Variants in LRP1B observed in about 807,000 individuals in gnomAD.
LRP1B encodes low-density lipoprotein receptor-related protein 1B.
A neutral mutation model predicts 556.6 loss-of-function variants in LRP1B; 217 were observed. The observed-to-expected ratio is 0.39, with a 90% CI of 0.35 to 0.44. The LOEUF is 0.44. LRP1B is among the 20% of genes least tolerant of loss of function. LRP1B has a pLI of 1.00. For synonymous variants in LRP1B, 2,047 were observed against 1,865.8 expected (o/e 1.10, Z -2.50); for missense variants, 5,053 against 5,620.8 (o/e 0.90, Z 3.23).
At chr2:141,298,397 G>A (rs549693653) in intron 3 of LRP1B, among the ~76,000 whole-genome samples, 1 of 152,232 alleles carries the variant, frequency 6.6e-6, no homozygotes, top group East Asian at 1.9e-4. Flanking sequence ...TGGTATCAGT[G>A]GACCTGGAGA....
chr2:140,511,162 T>A (rs1689634217), intron 51 of LRP1B, among the ~76,000 whole-genome samples: 1 of 152,070 alleles, frequency 6.6e-6, no homozygotes, highest in South Asian at 2.1e-4. Flanking sequence ...CAGTAGACAG[T>A]GTGTTTTAAT....
At chr2:140,571,782 T>C (rs1558975335) in intron 43 of LRP1B, among the ~76,000 whole-genome samples, 2 of 151,556 alleles carry the variant, frequency 1.3e-5, no homozygotes, top group Non-Finnish European at 3.0e-5. Flanking sequence ...CAAAACAGCA[T>C]GCTGCTGGCA....
At chr2:141,487,356 T>G (rs1174462149) in intron 2 of LRP1B, among the ~76,000 whole-genome samples, 1 of 152,186 alleles carries the variant, frequency 6.6e-6, no homozygotes. Flanking sequence ...AATTGGTGCT[T>G]GGCATACCAT....
chr2:141,586,941 C>CAAAAAAAAAAAA (rs769891211), intron 2 of LRP1B, among the ~76,000 whole-genome samples: 23 of 71,502 alleles, frequency 3.2e-4, no homozygotes, highest in Non-Finnish European at 5.1e-4. Flanking sequence ...GACTCCATCT[C>CAAAAAAAAAAAA]AAAAAAAAAA....
At chr2:141,647,978 A>G (rs1042676352) in intron 2 of LRP1B, among the ~76,000 whole-genome samples, 4 of 152,150 alleles carry the variant, frequency 2.6e-5, no homozygotes, top group African/African-American at 9.6e-5. Flanking sequence ...TAAACAAATG[A>G]TTAAAAAGTG....
rs567970334 is a variant in LRP1B, at chr2:141,762,605, T to C, written c.205+47674A>G. On this transcript the variant is annotated intron_variant, in intron 2 of 90. Transcript: ENST00000389484. Reference sequence around the variant, plus strand: ...AAAATGAGAAACAAGGCAGGAAGGATGTTGTAAGGGAGATAATGCAGCATG... The same window carrying C: ...AAAATGAGAAACAAGGCAGGAAGGACGTTGTAAGGGAGATAATGCAGCATG... 5.9e-5 allele frequency among the ~76,000 whole-genome samples: 9 copies of C among 152,128 alleles called. No individual in the cohort carries two copies. In the South Asian group the frequency reaches 1.9e-3, roughly 32 times the overall value.
intron 11 of LRP1B, among the ~76,000 whole-genome samples, chr2:141,042,917 A>T (rs1443164317): frequency 6.6e-6 from 1 of 151,602 alleles, no homozygotes; most frequent in Admixed American, 6.6e-5. Context: ...AAATTATAAA[A>T]ATCACCGTTG....
At chr2:142,044,201 C>T (rs1402840609) in intron 1 of LRP1B, among the ~76,000 whole-genome samples, 8 of 151,630 alleles carry the variant, frequency 5.3e-5, no homozygotes, top group African/African-American at 1.7e-4. Context: ...CACAACAACC[C>T]CTTGCTTTAT....
chr2:141,286,847 C>A, intron 3 of LRP1B: 1 of 337,458 alleles, frequency 3.0e-6, no homozygotes, highest in South Asian at 2.1e-5. Flanking sequence ...CCCAATTGAA[C>A]TTTCTGTAAT....
chr2:141,482,393 G>A (rs966810467), intron 2 of LRP1B, among the ~76,000 whole-genome samples: 1 of 151,910 alleles, frequency 6.6e-6, no homozygotes, highest in African/African-American at 2.4e-5. Context: ...ACTGTACAAG[G>A]CTATTAAATG....
At chr2:141,149,210 G>GT (rs1382252010) in intron 7 of LRP1B, among the ~76,000 whole-genome samples, 15 of 150,530 alleles carry the variant, frequency 1.0e-4, no homozygotes, top group East Asian at 1.9e-4. Context: ...GTTTTGTTTT[G>GT]TTTTTTTGGT....
At chr2:142,089,384 T>C (rs1405582842) in intron 1 of LRP1B, among the ~76,000 whole-genome samples, 2 of 152,198 alleles carry the variant, frequency 1.3e-5, no homozygotes, top group African/African-American at 4.8e-5. Context: ...CAAAACGTCT[T>C]GCAACTGAAG....
intron 87 of LRP1B, among the ~76,000 whole-genome samples, chr2:140,242,078 G>C (rs917179205): frequency 2.6e-5 from 4 of 151,008 alleles, no homozygotes; most frequent in African/African-American, 9.7e-5. Flanking sequence ...TTCCATAGGA[G>C]AGCTAGTACA....
intron 47 of LRP1B, among the ~76,000 whole-genome samples, chr2:140,529,081 T>A (rs976980466): frequency 6.6e-6 from 1 of 151,944 alleles, no homozygotes; most frequent in Non-Finnish European, 1.5e-5. Flanking sequence ...ATACTACACT[T>A]TTCCCTCCAG....
At chr2:141,337,052 G>A (rs1025864135) in intron 3 of LRP1B, among the ~76,000 whole-genome samples, 1 of 152,090 alleles carries the variant, frequency 6.6e-6, no homozygotes. Flanking sequence ...TAGGGTAAAT[G>A]TCCAGGTCTG....
chr2:140,252,061 G>GCAAAAAAAAAAAAAAAAAAAAAAAAC (rs1681445020), intron 86 of LRP1B, among the ~76,000 whole-genome samples: 1 of 446 alleles, frequency 2.2e-3, no homozygotes, highest in Non-Finnish European at 4.8e-3. Context: ...ATGACAAGAT[G>GCAAAAAAAAAAAAAAAAAAAAAAAAC]CAAAAAAAAA....
At chr2:141,996,515 C>T (rs720755) in intron 1 of LRP1B, among the ~76,000 whole-genome samples, 98,668 of 151,884 alleles carry the variant, frequency 0.65, 32,785 homozygotes, top group African/African-American at 0.8. Context: ...ATAAGAAATG[C>T]TCAATAAACT....
chr2:141,997,094 G>T (rs1047003385), intron 1 of LRP1B, among the ~76,000 whole-genome samples: 1 of 152,132 alleles, frequency 6.6e-6, no homozygotes, highest in Non-Finnish European at 1.5e-5. Flanking sequence ...AACTGAGTAT[G>T]AGTGCTTGTT....
intron 56 of LRP1B, among the ~76,000 whole-genome samples, chr2:140,495,339 T>A: frequency 6.7e-6 from 1 of 149,630 alleles, no homozygotes; most frequent in Non-Finnish European, 1.5e-5. Context: ...TTGTGGGCAC[T>A]CTCAAAATCT....
Sources: gnomAD v4.1 joint callset for allele counts (sites outside exome capture counted in the v4.1 genomes callset) on GRCh38, gnomAD v4.1.1 for gene constraint, MANE v1.5 for transcripts, NCBI Gene and HGNC (gene_info 2026-07-23, HGNC 2026-07-21) for gene names.